FOXK1: variants seen among roughly 807,000 people sequenced by gnomAD.
FOXK1 encodes forkhead box K1.
In FOXK1, 19 loss-of-function variants were observed where a neutral mutation model predicts 51.9. That is an observed-to-expected ratio of 0.37 (90% CI 0.26 to 0.54). The LOEUF is 0.54. FOXK1 is among the 20% of genes least tolerant of loss of function. FOXK1 has a pLI of 0.87. For missense variants in FOXK1, 870 were observed against 1,032.7 expected, an observed-to-expected ratio of 0.84 and a Z score of 2.16; for synonymous variants, 537 against 482.6, an observed-to-expected ratio of 1.11 and a Z score of -1.48.
Position 4,753,040 on chromosome 7 carries a change from T to G in FOXK1, c.747-1419T>G, listed in dbSNP as rs1267352187. On this transcript the variant is annotated intron_variant, in intron 2 of 8. Transcript: ENST00000328914. This position sits in a 1 kb window ranked among gnomAD's most constrained non-coding sequence, Gnocchi z 4.9. ...CCATTTGTGGGTGTTCATTTAAGTT[T>G]CGACACGTGTGGAACTTACCTATCT... 1.3e-5 allele frequency among the ~76,000 whole-genome samples: 2 copies of G among 152,236 alleles called. No homozygotes were observed. The highest frequency in any genetic ancestry group is 2.9e-5 in the Non-Finnish European group (2 of 68,044).
At chr7:4,746,249 C>G (rs142821715) in intron 2 of FOXK1, among the ~76,000 whole-genome samples, 1 of 152,208 alleles carries the variant, frequency 6.6e-6, no homozygotes, top group Non-Finnish European at 1.5e-5. Flanking sequence ...ACAGTTCTGT[C>G]TTATTGCTAG....
At chr7:4,738,255 G>A (rs1007626646) in intron 1 of FOXK1, among the ~76,000 whole-genome samples, 3 of 151,368 alleles carry the variant, frequency 2.0e-5, no homozygotes, top group African/African-American at 7.3e-5. Flanking sequence ...TGGCCAACAT[G>A]GTGAAACCCC....
intron 2 of FOXK1, among the ~76,000 whole-genome samples, chr7:4,751,445 C>T (rs551052456): frequency 1.2e-4 from 18 of 152,318 alleles, no homozygotes; most frequent in Non-Finnish European, 2.4e-4. Context: ...AGGCCTCTGG[C>T]TTTGGAGCTG....
In FOXK1 at chr7:4,731,875, T is replaced by C. The variant is rs1011337198; in HGVS notation, c.561-8963T>C. Among the ~76,000 whole-genome samples, 4 of 152,180 alleles carry C rather than the reference T, an allele frequency of 2.6e-5. No homozygotes were observed. The highest frequency in any genetic ancestry group is 5.9e-5 in the Non-Finnish European group (4 of 68,026). On this transcript the variant is annotated intron_variant, in intron 1 of 8. Coordinates refer to ENST00000328914, the MANE Select transcript of FOXK1 (RefSeq NM_001037165.2). This position sits in a 1 kb window ranked among gnomAD's most constrained non-coding sequence, Gnocchi z 5.3. ...TAATAACAAGAATAACTGAAGCACA[T>C]TTTCAGTAACCGCTTGCTACGTGCC... is the stretch of plus-strand genomic sequence containing the variant.
At chr7:4,692,961 A>C (rs1779912179) in intron 1 of FOXK1, among the ~76,000 whole-genome samples, 1 of 149,714 alleles carries the variant, frequency 6.7e-6, no homozygotes, top group Non-Finnish European at 1.5e-5. Flanking sequence ...CTGGTCTCAA[A>C]CTCCTGGCCT....
chr7:4,725,467 C>T (rs1583197228), intron 1 of FOXK1, among the ~76,000 whole-genome samples: 1 of 152,360 alleles, frequency 6.6e-6, no homozygotes, highest in East Asian at 1.9e-4. Flanking sequence ...GGGGACACGG[C>T]CTCCTGCCCA....
intron 1 of FOXK1, among the ~76,000 whole-genome samples, chr7:4,706,621 A>G (rs960757926): frequency 2.0e-5 from 3 of 152,230 alleles, no homozygotes; most frequent in African/African-American, 7.2e-5. Flanking sequence ...TGGATGAGGT[A>G]ATGCCAACAG....
Position 4,762,617 on chromosome 7 carries a change from T to C in FOXK1, c.*153T>C, listed in dbSNP as rs1001581276. The C allele has an allele frequency of 1.2e-5, 8 of 674,476 alleles. No homozygotes were observed. The African/African-American group carries it at 1.5e-4, about 12-fold the overall frequency. The allele number at this position is 674,476 out of a possible 1,614,324, so 41.8% of individuals were successfully genotyped here. A position where few individuals can be genotyped will look rare whatever the true frequency, so the allele number is the denominator to read the frequency against. On this transcript the variant is annotated 3_prime_UTR_variant, in exon 9 of 9. Transcript: ENST00000328914. The surrounding 1 kb of genome is among the most constrained non-coding windows in gnomAD (Gnocchi z 5.7). ...CCTGGACACACCCAGCCCTTTCCAT[T>C]TGATCGCCTGCCTTCCCGTGGTTTA... is the stretch of plus-strand genomic sequence containing the variant.
intron 1 of FOXK1, among the ~76,000 whole-genome samples, chr7:4,691,396 G>A (rs1779889228): frequency 6.6e-6 from 1 of 152,186 alleles, no homozygotes; most frequent in South Asian, 2.1e-4. Context: ...GTGCAGTGGT[G>A]CAATCTCAGC....
intron 1 of FOXK1, among the ~76,000 whole-genome samples, chr7:4,690,416 G>A (rs1258260232): frequency 6.6e-6 from 1 of 152,222 alleles, no homozygotes; most frequent in Non-Finnish European, 1.5e-5. Flanking sequence ...ACATATATTT[G>A]TTCCAAGTTA....
rs1368207627 is a variant in FOXK1, at chr7:4,753,126, C to CAA, written c.747-1333_747-1332insAA. Among the ~76,000 whole-genome samples the CAA allele has an allele frequency of 6.6e-6, 1 of 152,212 alleles. No individual in the cohort carries two copies. Among genetic ancestry groups the CAA allele is most frequent in the African/African-American group, 2.4e-5 (1 of 41,458 alleles). On this transcript the variant is annotated intron_variant, in intron 2 of 8. Coordinates refer to ENST00000328914, the MANE Select transcript of FOXK1 (RefSeq NM_001037165.2). The surrounding 1 kb of genome is among the most constrained non-coding windows in gnomAD (Gnocchi z 4.9). ...GGGAATTCCAGATCAGAGTCCTTAACGTTCCATGTGGGTGACACTGAGTCC... is the reference window on the plus strand; with the variant it reads ...GGGAATTCCAGATCAGAGTCCTTAACAAGTTCCATGTGGGTGACACTGAGTCC...
intron 2 of FOXK1, among the ~76,000 whole-genome samples, chr7:4,742,608 G>A (rs1030423067): frequency 3.3e-5 from 5 of 152,120 alleles, no homozygotes; most frequent in South Asian, 4.2e-4. Context: ...GTAGAGACAG[G>A]GTCTTGCTAT....
chr7:4,744,779 C>A lies in FOXK1; in HGVS notation c.746+3756C>A, dbSNP rs184923468. 3.1e-3 allele frequency among the ~76,000 whole-genome samples: 478 copies of A among 152,350 alleles called. 2 individuals carry two copies. The highest frequency in any genetic ancestry group is 0.011 in the African/African-American group (459 of 41,582). On this transcript the variant is annotated intron_variant, in intron 2 of 8. Coordinates refer to ENST00000328914, the MANE Select transcript of FOXK1 (RefSeq NM_001037165.2). ...AGGAAGGTGGGGGGCCACCCCTTTC[C>A]CCTCCTTCCGCCCAGTCCTGTTCTT... is the stretch of plus-strand genomic sequence containing the variant.
In FOXK1 at chr7:4,759,501, G is replaced by A. The variant is rs1270330899; in HGVS notation, c.1602G>A (p.Ser534=). 4.4e-6 allele frequency: 7 copies of A among 1,577,362 alleles called. No homozygotes were observed. The highest frequency in any genetic ancestry group is 4.0e-5 in the African/African-American group (3 of 74,406). The change falls in exon 7 of 9, where the codon TCG becomes TCA. Residue 534 remains serine (S), a synonymous_variant. Transcript: ENST00000328914. ...MVRVVTTSAN[S]ANGYILTSQG... ...GGGTGGTCACCACATCTGCCAACTC[G>A]GCCAACGGATACATCCTCACCAGCC... is the stretch of plus-strand genomic sequence containing the variant.
At position 4,709,836 on chromosome 7, in the gene FOXK1, A is replaced by G. The variant is rs1780152216; in HGVS notation, c.560+26968A>G. On this transcript the variant is annotated intron_variant, in intron 1 of 8. Transcript: ENST00000328914. The surrounding 1 kb of genome is among the most constrained non-coding windows in gnomAD (Gnocchi z 5.6). ...AGTTCACTGTCTGTAAAATAGGTCC[A>G]AAAGCCATCCCCACCTCCAAGGAGG... 6.6e-6 allele frequency among the ~76,000 whole-genome samples: 1 copy of G among 152,154 alleles called. No individual in the cohort carries two copies. Among genetic ancestry groups the G allele is most frequent in the African/African-American group, 2.4e-5 (1 of 41,434 alleles).
In FOXK1 at chr7:4,733,368, C is replaced by G. The variant is rs116445121; in HGVS notation, c.561-7470C>G. 1.1e-3 allele frequency among the ~76,000 whole-genome samples: 161 copies of G among 152,222 alleles called. No individual in the cohort carries two copies. The highest frequency in any genetic ancestry group is 6.8e-3 in the Middle Eastern group (2 of 294). ...TAATGTCAGCTATGACCTGGAGGCACCAGACTTTTTCTATTACGTTGCTTG... is the reference window on the plus strand; with the variant it reads ...TAATGTCAGCTATGACCTGGAGGCAGCAGACTTTTTCTATTACGTTGCTTG... On this transcript the variant is annotated intron_variant, in intron 1 of 8. Transcript: ENST00000328914. This position sits in a 1 kb window ranked among gnomAD's most constrained non-coding sequence, Gnocchi z 5.0.
In FOXK1 at chr7:4,709,202, C is replaced by T. The variant is rs1205938382; in HGVS notation, c.560+26334C>T. Among the ~76,000 whole-genome samples the T allele has an allele frequency of 6.6e-6, 1 of 152,206 alleles. No homozygotes were observed. The highest frequency in any genetic ancestry group is 1.5e-5 in the Non-Finnish European group (1 of 68,026). On this transcript the variant is annotated intron_variant, in intron 1 of 8. Transcript: ENST00000328914. This position sits in a 1 kb window ranked among gnomAD's most constrained non-coding sequence, Gnocchi z 5.6. ...GGGGCCCGAGGCCCCAGGATACCCCCGTGCCTTACCCACGCTATTTGCTGC... is the reference window on the plus strand; with the variant it reads ...GGGGCCCGAGGCCCCAGGATACCCCTGTGCCTTACCCACGCTATTTGCTGC...
rs776570733 is a variant in FOXK1 at position 4,734,666 on chromosome 7, C to T, written c.561-6172C>T. 3.3e-5 allele frequency among the ~76,000 whole-genome samples: 5 copies of T among 152,204 alleles called. No individual in the cohort carries two copies. The highest frequency in any genetic ancestry group is 2.1e-4 in the South Asian group (1 of 4,832). On this transcript the variant is annotated intron_variant, in intron 1 of 8. Transcript: ENST00000328914. This position sits in a 1 kb window ranked among gnomAD's most constrained non-coding sequence, Gnocchi z 5.2. Reference sequence around the variant, plus strand: ...GGCTGGGTCTCAGGCTTTTCTCCTGCGCCATTGTCTGCTGATAGCTGGGCT... The same window carrying T: ...GGCTGGGTCTCAGGCTTTTCTCCTGTGCCATTGTCTGCTGATAGCTGGGCT...
Position 4,762,413 on chromosome 7 carries a change from G to T in FOXK1, c.2151G>T (p.Pro717=), listed in dbSNP as rs371863185. Residue 717 remains proline, a synonymous_variant, in exon 9 of 9, where the codon CCG becomes CCT. Coordinates refer to ENST00000328914, the MANE Select transcript of FOXK1 (RefSeq NM_001037165.2). The surrounding 1 kb of genome is among the most constrained non-coding windows in gnomAD (Gnocchi z 5.7). The stretch of plus-strand genomic sequence containing the variant: ...AGCCCAGTGGTGCTGTAACCACACC[G>T]GCTGGAGTGATCGCAGCTGCCGGCC... ...VEEPSGAVTT[P]AGVIAAAGPQ... is the part of the protein sequence containing the mutation. The T allele has an allele frequency of 1.9e-6, 3 of 1,549,400 alleles. No homozygotes were observed. The African/African-American group carries it at 4.1e-5, about 21-fold the overall frequency.
Sources: gnomAD v4.1 joint callset for allele counts (sites outside exome capture counted in the v4.1 genomes callset) on GRCh38, gnomAD v4.1.1 for gene constraint, Gnocchi (gnomAD v3.1) non-coding constraint, MANE v1.5 for transcripts, NCBI Gene and HGNC (gene_info 2026-07-23, HGNC 2026-07-21) for gene names.